The following TMEM232 variants were observed in gnomAD, a reference collection of about 807,000 sequenced individuals.
The protein encoded by TMEM232 is transmembrane protein 232.
A neutral mutation model predicts 78.8 loss-of-function variants in TMEM232; 80 were observed. That is an observed-to-expected ratio of 1.01 (90% confidence interval 0.85 to 1.22). The LOEUF is 1.22. Ranked by LOEUF, TMEM232 falls within the 50% of genes most tolerant of loss-of-function variation. The pLI, the probability that TMEM232 is intolerant of heterozygous loss-of-function variation, is 0.00. For missense variants in TMEM232, 881 were observed against 742.2 expected (o/e 1.19, Z -2.17); for synonymous variants, 297 against 254.3 (o/e 1.17, Z -1.60).
intron 1 of TMEM232, among the ~76,000 whole-genome samples, chr5:110,724,623 T>C (rs982983901): frequency 7.9e-5 from 12 of 152,162 alleles, no homozygotes; most frequent in Admixed American, 3.3e-4. Context: ...TGAGATTAGG[T>C]TCTCATCATT....
intron 2 of TMEM232, 132 bp from the exon 3 acceptor site, chr5:110,642,503 CA>C (rs561350320): frequency 6.8e-5 from 40 of 592,160 alleles, no homozygotes; most frequent in East Asian, 2.1e-4. Context: ...CTGTTTCACA[CA>C]AAAAAAATCA....
chr5:110,485,371 G>A (rs1040069712), intron 12 of TMEM232, among the ~76,000 whole-genome samples: 11 of 152,026 alleles, frequency 7.2e-5, no homozygotes, highest in Admixed American at 6.6e-5. Context: ...GAGTAAGTTG[G>A]TGATTTGTGA....
At chr5:110,467,855 A>G (rs773058178) in intron 12 of TMEM232, among the ~76,000 whole-genome samples, 15 of 152,078 alleles carry the variant, frequency 9.9e-5, no homozygotes, top group Non-Finnish European at 2.1e-4. Context: ...AGGTTCTTCT[A>G]TCCAAGATTC....
rs374219408 is a variant in TMEM232 at position 110,520,050 on chromosome 5, T to TATATATATAGAG, written c.1703+8537_1703+8538insCTCTATATATAT. On this transcript the variant is annotated intron_variant, in intron 12 of 13. Transcript: ENST00000455884. ...TTATATATTTATGTATATATATATATAGAGAGAGAGAGAGAGAGGATTAGG... is the reference window on the plus strand; with the variant it reads ...TTATATATTTATGTATATATATATATATATATATAGAGAGAGAGAGAGAGAGAGAGGATTAGG... Among the ~76,000 whole-genome samples, 39 of 147,258 alleles carry TATATATATAGAG rather than the reference T, an allele frequency of 2.6e-4. 1 individual carries two copies. Among genetic ancestry groups the TATATATATAGAG allele is most frequent in the African/African-American group, 9.5e-4 (38 of 39,890 alleles).
chr5:110,463,982 A>C (rs534642468), intron 12 of TMEM232, among the ~76,000 whole-genome samples: 21 of 152,354 alleles, frequency 1.4e-4, no homozygotes, highest in Middle Eastern at 3.4e-3. Flanking sequence ...CCAGGTATTC[A>C]CATGGCTGTC....
At chr5:110,427,855 T>G (rs183165075) in intron 12 of TMEM232, among the ~76,000 whole-genome samples, 264 of 151,904 alleles carry the variant, frequency 1.7e-3, no homozygotes, top group African/African-American at 6.0e-3. Context: ...TGTTTTTTAT[T>G]TTTTTGGGTA....
At chr5:110,625,998 A>G (rs1356783490) in intron 6 of TMEM232, among the ~76,000 whole-genome samples, 1 of 152,012 alleles carries the variant, frequency 6.6e-6, no homozygotes, top group African/African-American at 2.4e-5. Context: ...TTTGGGTTTT[A>G]GTCCATCCAC....
In TMEM232 at chr5:110,726,635, T is replaced by G. The variant is rs1798184911; in HGVS notation, c.-21A>C. 1 of 152,228 alleles carries G rather than the reference T, an allele frequency of 6.6e-6. No individual in the cohort carries two copies. The highest frequency in any genetic ancestry group is 1.5e-5 in the Non-Finnish European group (1 of 68,060). 9.4% of individuals were successfully genotyped at this position (152,228 alleles called of 1,614,324 possible). On this transcript the variant is annotated 5_prime_UTR_variant, in exon 1 of 14. Transcript: ENST00000455884. Reference sequence around the variant, plus strand: ...ACCTCTTAATCACTCACCGCTGCGCTCTGAGCCGCTGGGAACCAAGGCTGG... The same window carrying G: ...ACCTCTTAATCACTCACCGCTGCGCGCTGAGCCGCTGGGAACCAAGGCTGG...
rs61351197 is a variant in TMEM232 at position 110,473,890 on chromosome 5, CAAAAAAAAAAA to C, written c.1704-48985_1704-48975del. Among the ~76,000 whole-genome samples, 7 of 14,222 alleles carry C rather than the reference CAAAAAAAAAAA, an allele frequency of 4.9e-4. No individual in the cohort carries two copies. In the East Asian group the frequency reaches 0.011, roughly 22 times the overall value. 9.3% of individuals were successfully genotyped at this position (14,222 alleles called of 152,430 possible). ...CTGTTAAGTGAAATAAGCCAGACAC[CAAAAAAAAAAA>C]AAAAAAAAAAAAAAAAACCCGCAAA... On this transcript the variant is annotated intron_variant, in intron 12 of 13. Coordinates refer to ENST00000455884, the MANE Select transcript of TMEM232 (RefSeq NM_001039763.4).
At chr5:110,545,206 G>A (rs957724922) in intron 11 of TMEM232, among the ~76,000 whole-genome samples, 5 of 152,076 alleles carry the variant, frequency 3.3e-5, no homozygotes, top group African/African-American at 1.2e-4. Flanking sequence ...GAGCCTTTGA[G>A]TTAAGCTCAC....
At chr5:110,692,978 C>T (rs1357766061) in intron 1 of TMEM232, among the ~76,000 whole-genome samples, 4 of 152,192 alleles carry the variant, frequency 2.6e-5, no homozygotes, top group South Asian at 2.1e-4. Flanking sequence ...GCACGCAGTT[C>T]GAGATCTGAG....
chr5:110,703,252 T>C (rs561016858), intron 1 of TMEM232, among the ~76,000 whole-genome samples: 1 of 152,002 alleles, frequency 6.6e-6, no homozygotes, highest in South Asian at 2.1e-4. Context: ...GAGTGCTACC[T>C]CCCAACAAAA....
At chr5:110,660,525 GAAATA>G (rs1789637420) in intron 2 of TMEM232, among the ~76,000 whole-genome samples, 1 of 151,910 alleles carries the variant, frequency 6.6e-6, no homozygotes, top group African/African-American at 2.4e-5. Flanking sequence ...TGGCAAACAG[GAAATA>G]AAATAAAAAG....
At chr5:110,641,213 A>G (rs2150016647) in intron 3 of TMEM232, among the ~76,000 whole-genome samples, 1 of 152,302 alleles carries the variant, frequency 6.6e-6, no homozygotes, top group South Asian at 2.1e-4. Flanking sequence ...AGTTGATATT[A>G]CAAGTAATAT....
At chr5:110,547,217 C>T (rs1773888337) in intron 11 of TMEM232, among the ~76,000 whole-genome samples, 1 of 152,056 alleles carries the variant, frequency 6.6e-6, no homozygotes, top group South Asian at 2.1e-4. Flanking sequence ...TTAACTTAGT[C>T]TAAGTTTCCA....
intron 2 of TMEM232, among the ~76,000 whole-genome samples, chr5:110,406,595 A>T (rs1356105580): frequency 6.6e-6 from 1 of 152,118 alleles, no homozygotes; most frequent in Non-Finnish European, 1.5e-5. Context: ...AGAATTCAGC[A>T]CCACCAGACT....
At chr5:110,652,297 C>CACACACACACAT (rs1198717879) in intron 2 of TMEM232, among the ~76,000 whole-genome samples, 1 of 151,016 alleles carries the variant, frequency 6.6e-6, no homozygotes, top group Non-Finnish European at 1.5e-5. Flanking sequence ...CGCGCGCGCA[C>CACACACACACAT]ACACACACAC....
At chr5:110,577,771 C>A (rs539395812) in intron 10 of TMEM232, among the ~76,000 whole-genome samples, 260 of 152,084 alleles carry the variant, frequency 1.7e-3, no homozygotes, top group African/African-American at 5.8e-3. Flanking sequence ...AATACAAGAA[C>A]AGAAAACCAA....
In TMEM232 at chr5:110,663,389, C is replaced by T. The variant is rs577176932; in HGVS notation, c.125+3839G>A. Among the ~76,000 whole-genome samples the T allele has an allele frequency of 1.1e-4, 16 of 151,518 alleles. No homozygotes were observed. In the East Asian group the frequency reaches 2.3e-3, roughly 22 times the overall value. On this transcript the variant is annotated intron_variant, in intron 2 of 13. Transcript: ENST00000455884. ...CAACATATTAATAAGAATAAGAAAA[C>T]ACATGGAAGTAATTCTAACAGCAAC...
Sources: gnomAD v4.1 joint callset for allele counts (sites outside exome capture counted in the v4.1 genomes callset) on GRCh38, gnomAD v4.1.1 for gene constraint, MANE v1.5 for transcripts, NCBI Gene and HGNC (gene_info 2026-07-23, HGNC 2026-07-21) for gene names.